PBX1: variants seen among roughly 807,000 people sequenced by gnomAD.
PBX1 encodes PBX homeobox 1.
Under a neutral mutation model 53.4 loss-of-function variants are expected in PBX1, and 6 were observed. The ratio of observed to expected loss-of-function variants is 0.11; its 90% CI spans 0.06 to 0.22. The LOEUF (loss-of-function observed/expected upper bound fraction) is 0.22, where lower values mean the gene tolerates loss of function less well. Among genes scored for constraint, PBX1 ranks in the 10% least tolerant of loss-of-function variants. PBX1 has a pLI of 1.00. For missense variants in PBX1, 251 were observed against 551.4 expected (o/e 0.46, Z 5.46); for synonymous variants, 204 against 212.3 (o/e 0.96, Z 0.34).
intron 2 of PBX1, among the ~76,000 whole-genome samples, chr1:164,750,616 G>A (rs912912816): frequency 1.3e-5 from 2 of 152,188 alleles, no homozygotes; most frequent in African/African-American, 4.8e-5. Context: ...TAGCACCAGT[G>A]GGGGCAGAGA....
At chr1:164,677,706 A>G (rs996507268) in intron 2 of PBX1, among the ~76,000 whole-genome samples, 1 of 152,036 alleles carries the variant, frequency 6.6e-6, no homozygotes, top group Non-Finnish European at 1.5e-5. Flanking sequence ...GATACATAGA[A>G]ATCTTAGTGT....
chr1:164,728,960 A>G (rs1664838707), intron 2 of PBX1, among the ~76,000 whole-genome samples: 1 of 152,220 alleles, frequency 6.6e-6, no homozygotes, highest in Non-Finnish European at 1.5e-5. Context: ...AGGAAACCAC[A>G]AGATAATTGT....
At chr1:164,744,548 CA>C (rs1278228064) in intron 2 of PBX1, among the ~76,000 whole-genome samples, 1 of 152,170 alleles carries the variant, frequency 6.6e-6, no homozygotes, top group East Asian at 1.9e-4. Context: ...CTCTTTAAGA[CA>C]GAGGTAGGGT....
At chr1:164,617,550 G>C (rs1429740381) in intron 2 of PBX1, among the ~76,000 whole-genome samples, 1 of 152,192 alleles carries the variant, frequency 6.6e-6, no homozygotes, top group Non-Finnish European at 1.5e-5. Context: ...GGAGTTAAAA[G>C]AGCTTTCTGA....
At chr1:164,560,047 G>T (rs1557860058) in intron 1 of PBX1, 34 bp downstream of exon 1, 9 of 1,314,528 alleles carry the variant, frequency 6.8e-6, no homozygotes, top group East Asian at 3.1e-5. Flanking sequence ...CTTTCTTGGG[G>T]TTTTTTGTTT....
chr1:164,621,978 C>T (rs1657709159), intron 2 of PBX1, among the ~76,000 whole-genome samples: 1 of 152,154 alleles, frequency 6.6e-6, no homozygotes. Context: ...ACCCTGGTTG[C>T]ATAGCTTTTG....
intron 2 of PBX1, among the ~76,000 whole-genome samples, chr1:164,701,942 A>G (rs747078947): frequency 3.3e-5 from 5 of 152,220 alleles, no homozygotes; most frequent in African/African-American, 7.2e-5. Flanking sequence ...AAAGTAAATA[A>G]TTTGTAAACT....
At chr1:164,772,609 C>T (rs1163218175) in intron 2 of PBX1, among the ~76,000 whole-genome samples, 1 of 152,142 alleles carries the variant, frequency 6.6e-6, no homozygotes, top group Admixed American at 6.5e-5. Context: ...AGTATAGCCC[C>T]TGAAAGGGAC....
rs58061173 is a variant in PBX1 at position 164,776,935 on chromosome 1, G to GTGTA, written c.266-15559_266-15558insTGTA. ...TGTGTGTGTGTGTGTGTGTGTGTGT[G>GTGTA]GTGGGAGGAGAGAGAGAGAGAGAGA... On this transcript the variant is annotated intron_variant, in intron 2 of 8. Transcript: ENST00000420696. 1.4e-3 allele frequency among the ~76,000 whole-genome samples: 138 copies of GTGTA among 98,312 alleles called. 2 individuals are homozygous for GTGTA. The highest frequency in any genetic ancestry group is 2.1e-3 in the Non-Finnish European group (93 of 45,282). 64.5% of individuals were successfully genotyped at this position (98,312 alleles called of 152,430 possible).
chr1:164,839,351 C>G (rs1671186480), intron 8 of PBX1, among the ~76,000 whole-genome samples: 1 of 152,282 alleles, frequency 6.6e-6, no homozygotes, highest in South Asian at 2.1e-4. Context: ...CACAAGTGGG[C>G]ACTGAATACG....
intron 8 of PBX1, among the ~76,000 whole-genome samples, chr1:164,824,980 C>T (rs1231404503): frequency 6.6e-6 from 1 of 152,182 alleles, no homozygotes; most frequent in Non-Finnish European, 1.5e-5. Flanking sequence ...ATTCGTTGCT[C>T]AGAAATCTAT....
At chr1:164,821,174 G>A (rs766782761) in intron 7 of PBX1, among the ~76,000 whole-genome samples, 7 of 152,182 alleles carry the variant, frequency 4.6e-5, no homozygotes, top group Non-Finnish European at 8.8e-5. Context: ...AGGAACAGCT[G>A]TATAGGATGA....
intron 2 of PBX1, among the ~76,000 whole-genome samples, chr1:164,604,957 G>C (rs914557338): frequency 5.3e-5 from 8 of 152,138 alleles, no homozygotes; most frequent in African/African-American, 1.9e-4. Flanking sequence ...TTCCATAGAG[G>C]TGGAGTGCCT....
At chr1:164,682,419 C>T (rs968173051) in intron 2 of PBX1, 2 of 152,146 alleles carry the variant, frequency 1.3e-5, no homozygotes, top group African/African-American at 4.8e-5. Context: ...TGAGCATCTA[C>T]TGAATGCCAG....
chr1:164,602,643 G>C (rs935706724), intron 2 of PBX1, among the ~76,000 whole-genome samples: 4 of 149,770 alleles, frequency 2.7e-5, no homozygotes, highest in African/African-American at 9.9e-5. Context: ...CACAGCTCTT[G>C]ACTGGCTGTT....
chr1:164,725,547 C>T (rs897609058), intron 2 of PBX1, among the ~76,000 whole-genome samples: 7 of 152,010 alleles, frequency 4.6e-5, no homozygotes, highest in African/African-American at 9.7e-5. Flanking sequence ...TTTCTGCTTC[C>T]GTACAAGTTT....
In PBX1 at chr1:164,765,342, A is replaced by G. The variant is rs1432650936; in HGVS notation, c.266-27152A>G. On this transcript the variant is annotated intron_variant, in intron 2 of 8. Coordinates refer to ENST00000420696, the MANE Select transcript of PBX1 (RefSeq NM_002585.4). ...TACATGTGCAGTGGAGTGGGCATCA[A>G]TGTATTTTACTGATTGAAGAACACA... is the stretch of plus-strand genomic sequence containing the variant. 2.6e-5 allele frequency among the ~76,000 whole-genome samples: 4 copies of G among 152,326 alleles called. No individual in the cohort carries two copies. In the South Asian group the frequency reaches 8.3e-4, roughly 32 times the overall value.
intron 2 of PBX1, among the ~76,000 whole-genome samples, chr1:164,707,418 T>TGTGTGAGAGAGAGAGAGAGAGAGAGA (rs58617739): frequency 2.5e-5 from 3 of 118,212 alleles, no homozygotes; most frequent in African/African-American, 1.2e-4. Flanking sequence ...TGTGTGTGTG[T>TGTGTGAGAGAGAGAGAGAGAGAGAGA]GAGAGAGAGA....
At chr1:164,821,121 C>A (rs547976674) in intron 7 of PBX1, among the ~76,000 whole-genome samples, 1 of 152,184 alleles carries the variant, frequency 6.6e-6, no homozygotes, top group Non-Finnish European at 1.5e-5. Flanking sequence ...GCTGCCCAAA[C>A]CTCCTCTAAA....
Sources: gnomAD v4.1 joint callset for allele counts (sites outside exome capture counted in the v4.1 genomes callset) on GRCh38, gnomAD v4.1.1 for gene constraint, MANE v1.5 for transcripts, NCBI Gene and HGNC (gene_info 2026-07-23, HGNC 2026-07-21) for gene names.